Variants in C1QTNF2 observed in about 807,000 individuals in gnomAD.
C1QTNF2 encodes complement C1q tumor necrosis factor-related protein 2.
Under a neutral mutation model 17.4 loss-of-function variants are expected in C1QTNF2, and 15 were observed. That is an observed-to-expected ratio of 0.86 (90% CI 0.58 to 1.33). C1QTNF2 has a LOEUF of 1.33. C1QTNF2 is among the 40% of genes most tolerant of loss of function. The pLI, the probability that C1QTNF2 is intolerant of heterozygous loss-of-function variation, is 0.00. For synonymous variants in C1QTNF2, 154 were observed against 163.3 expected (o/e 0.94, Z 0.44); for missense variants, 381 against 392.3 (o/e 0.97, Z 0.24).
At position 160,349,371 on chromosome 5, in the gene C1QTNF2, G is replaced by C; in HGVS notation, c.655C>G (p.Arg219Gly). Residue 219 changes from arginine to glycine, a missense_variant, in exon 3 of 3, where the codon CGC (arginine) becomes GGC (glycine). Arg to Gly is a moderately radical substitution (Grantham distance 125). Coordinates refer to ENST00000652664, the MANE Select transcript of C1QTNF2 (RefSeq NM_031908.6). The surrounding 1 kb of genome is among the most constrained non-coding windows in gnomAD (Gnocchi z 4.3). ...AIGLVHNGQY[R>G]IRTFDANTGN... Reference sequence around the variant, plus strand: ...GTGTTGGCATCAAAGGTCCGGATGCGGTACTGGCCGTTGTGCACCAGGCCG... The same window carrying C: ...GTGTTGGCATCAAAGGTCCGGATGCCGTACTGGCCGTTGTGCACCAGGCCG... 1.2e-6 allele frequency: 2 copies of C among 1,614,130 alleles called. No individual in the cohort carries two copies. The highest frequency in any genetic ancestry group is 1.7e-6 in the Non-Finnish European group (2 of 1,180,036).
At chr5:160,365,745 G>A (rs181751807) in intron 1 of C1QTNF2, among the ~76,000 whole-genome samples, 149 of 152,268 alleles carry the variant, frequency 9.8e-4, no homozygotes, top group Non-Finnish European at 9.1e-4. Flanking sequence ...ATACTGTATG[G>A]TCTTATTTGA....
At position 160,354,606 on chromosome 5, in the gene C1QTNF2, A is replaced by ATATATATATATG. The variant is rs1204278532; in HGVS notation, c.244+161_244+162insCATATATATATA. Among the ~76,000 whole-genome samples the ATATATATATATG allele has an allele frequency of 1.3e-3, 41 of 31,206 alleles. 2 individuals are homozygous for ATATATATATATG. The highest frequency in any genetic ancestry group is 3.3e-3 in the African/African-American group (39 of 11,910). 20.5% of individuals were successfully genotyped at this position (31,206 alleles called of 152,430 possible). ...GGGGAAAAAAAAAAAAAGTATATAT[A>ATATATATATATG]TATATATATATATATATATATATAT... On this transcript the variant is annotated intron_variant, in intron 2 of 2. Coordinates refer to ENST00000652664, the MANE Select transcript of C1QTNF2 (RefSeq NM_031908.6).
At chr5:160,370,041 T>C (rs926345350) in intron 1 of C1QTNF2, among the ~76,000 whole-genome samples, 7 of 152,208 alleles carry the variant, frequency 4.6e-5, no homozygotes, top group Admixed American at 2.0e-4. Context: ...CTGTGATTGT[T>C]AGCTCGGGTA....
At chr5:160,356,392 G>T (rs1475605499) in intron 1 of C1QTNF2, among the ~76,000 whole-genome samples, 1 of 152,214 alleles carries the variant, frequency 6.6e-6, no homozygotes, top group Admixed American at 6.5e-5. Flanking sequence ...CACCTCGAGG[G>T]CTTGTTAGCA....
At chr5:160,353,241 A>G (rs749319363) in intron 2 of C1QTNF2, among the ~76,000 whole-genome samples, 7 of 152,206 alleles carry the variant, frequency 4.6e-5, no homozygotes, top group Non-Finnish European at 7.3e-5. Flanking sequence ...ATGCCATACA[A>G]ATAAAAATTA....
In C1QTNF2 at chr5:160,352,090, T is replaced by A. The variant is rs576288967; in HGVS notation, c.245-2309A>T. On this transcript the variant is annotated intron_variant, in intron 2 of 2. Coordinates refer to ENST00000652664, the MANE Select transcript of C1QTNF2 (RefSeq NM_031908.6). ...CACACTTAGTTAATTTTAAAATTTT[T>A]TGTAGAAATGGTGTCTCCCTATGTT... 3.3e-4 allele frequency among the ~76,000 whole-genome samples: 50 copies of A among 152,160 alleles called. 1 individual carries two copies. The highest frequency in any genetic ancestry group is 2.4e-3 in the Admixed American group (37 of 15,296).
chr5:160,365,259 A>T (rs1382539993), intron 1 of C1QTNF2, among the ~76,000 whole-genome samples: 1 of 152,196 alleles, frequency 6.6e-6, no homozygotes, highest in Non-Finnish European at 1.5e-5. Flanking sequence ...AAGGGACTAC[A>T]CTTGAAGATC....
rs568832156 is a variant in C1QTNF2 at position 160,348,618 on chromosome 5, A to G, written c.*550T>C. Reference sequence around the variant, plus strand: ...GGGGAAGGGAGGTGAGAAGTTGGAAATAGCTTGTTCTTTGATCTACATGGA... The same window carrying G: ...GGGGAAGGGAGGTGAGAAGTTGGAAGTAGCTTGTTCTTTGATCTACATGGA... On this transcript the variant is annotated 3_prime_UTR_variant, in exon 3 of 3. Coordinates refer to ENST00000652664, the MANE Select transcript of C1QTNF2 (RefSeq NM_031908.6). 6.5e-6 allele frequency: 1 copy of G among 152,840 alleles called. No homozygotes were observed. Among genetic ancestry groups the G allele is most frequent in the South Asian group, 2.1e-4 (1 of 4,836 alleles). The allele number at this position is 152,840 out of a possible 1,614,324, so 9.5% of individuals were successfully genotyped here. A position where few individuals can be genotyped will look rare whatever the true frequency, so the allele number is the denominator to read the frequency against.
At chr5:160,363,317 G>A (rs1170072851) in intron 1 of C1QTNF2, among the ~76,000 whole-genome samples, 2 of 152,206 alleles carry the variant, frequency 1.3e-5, no homozygotes, top group African/African-American at 4.8e-5. Context: ...CAGTACTCAC[G>A]AAATGTCCCC....
chr5:160,359,708 G>T (rs1561825990), intron 1 of C1QTNF2, among the ~76,000 whole-genome samples: 1 of 152,186 alleles, frequency 6.6e-6, no homozygotes, highest in Non-Finnish European at 1.5e-5. Flanking sequence ...GCGTGGAGGG[G>T]ACAGCCTCCT....
rs183698892 is a variant in C1QTNF2, at chr5:160,362,837, T to A, written c.-10+7675A>T. On this transcript the variant is annotated intron_variant, in intron 1 of 2. Coordinates refer to ENST00000652664, the MANE Select transcript of C1QTNF2 (RefSeq NM_031908.6). ...TCAGTTCATCTTATCTGGGCCTTCA[T>A]TTCCTCACCTGTAAAATGGAGATAT... Among the ~76,000 whole-genome samples, 666 of 152,316 alleles carry A rather than the reference T, an allele frequency of 4.4e-3. 6 individuals are homozygous for A. The highest frequency in any genetic ancestry group is 0.015 in the African/African-American group (639 of 41,570).
chr5:160,354,752 C>A lies in C1QTNF2; in HGVS notation c.244+16G>T, dbSNP rs755600767. 3 of 1,613,404 alleles carry A rather than the reference C, an allele frequency of 1.9e-6. No individual in the cohort carries two copies. The highest frequency in any genetic ancestry group is 1.1e-5 in the South Asian group (1 of 91,028). On this transcript the variant is annotated intron_variant, in intron 2 of 2. Transcript: ENST00000652664. ...CAGCCAGGTGGGAACGAGAGTGGCA[C>A]GTATAGGCCTCTTACCTTCCTCTCC...
rs370912150 is a variant in C1QTNF2, at chr5:160,349,213, C to G, written c.813G>C (p.Thr271=). The G allele has an allele frequency of 6.2e-7, 1 of 1,613,996 alleles. No individual in the cohort carries two copies. Among genetic ancestry groups the G allele is most frequent in the African/African-American group, 1.3e-5 (1 of 75,008 alleles). ...CCTGGTCGGCATAGATTAGGAAGCC[C>G]GTAAAGAGGCTGTCTGTCCAGTAAG... ...YDPYWTDSLF[T]GFLIYADQDD... The change falls in exon 3 of 3, where the codon ACG becomes ACC. Residue 271 remains threonine (T), a synonymous_variant. Coordinates refer to ENST00000652664, the MANE Select transcript of C1QTNF2 (RefSeq NM_031908.6). The surrounding 1 kb of genome is among the most constrained non-coding windows in gnomAD (Gnocchi z 4.3).
chr5:160,354,597 A>AAAAATATATATAT (rs769774870), intron 2 of C1QTNF2, among the ~76,000 whole-genome samples, 171 bp downstream of exon 2: 1 of 89,306 alleles, frequency 1.1e-5, no homozygotes, highest in African/African-American at 4.8e-5. Flanking sequence ...AAAAAAAAAA[A>AAAAATATATATAT]GTATATATAT....
At chr5:160,351,111 A>G (rs1763912026) in intron 2 of C1QTNF2, among the ~76,000 whole-genome samples, 3 of 152,182 alleles carry the variant, frequency 2.0e-5, no homozygotes, top group African/African-American at 7.2e-5. Flanking sequence ...CCTATAGCAA[A>G]CATTCCTAAA....
intron 1 of C1QTNF2, among the ~76,000 whole-genome samples, chr5:160,361,628 T>C (rs1367477579): frequency 2.6e-5 from 4 of 152,118 alleles, no homozygotes; most frequent in African/African-American, 9.7e-5. Flanking sequence ...GTGTGAGAAA[T>C]GAGTGAAGGA....
At chr5:160,354,691 T>C (rs920066757) in intron 2 of C1QTNF2, 77 bp downstream of exon 2, 1 of 1,546,022 alleles carries the variant, frequency 6.5e-7, no homozygotes, top group Non-Finnish European at 8.8e-7. Context: ...ACTAGTTTTA[T>C]TAACTTCATG....
intron 2 of C1QTNF2, among the ~76,000 whole-genome samples, chr5:160,350,637 G>T (rs72814349): frequency 0.18 from 27,045 of 152,118 alleles, 2,501 homozygotes; most frequent in Middle Eastern, 0.29. Flanking sequence ...ACGAGTTCCA[G>T]GTTACAGTGA....
At chr5:160,357,624 G>C (rs976282963) in intron 1 of C1QTNF2, among the ~76,000 whole-genome samples, 1 of 152,174 alleles carries the variant, frequency 6.6e-6, no homozygotes, top group African/African-American at 2.4e-5. Context: ...TTTAAAGCAG[G>C]TTCGAAATGA....
Sources: allele counts gnomAD v4.1 joint callset (sites outside exome capture counted in the v4.1 genomes callset), GRCh38; gene constraint gnomAD v4.1.1; non-coding constraint Gnocchi (gnomAD v3.1); transcripts MANE v1.5; gene names NCBI Gene and HGNC (gene_info 2026-07-23, HGNC 2026-07-21).